The following DNA2 variants were observed in gnomAD, a reference collection of about 807,000 sequenced individuals.
DNA2 encodes the protein DNA replication helicase/nuclease 2.
Under a neutral mutation model 119.1 loss-of-function variants are expected in DNA2, and 101 were observed. The ratio of observed to expected loss-of-function variants is 0.85; its 90% confidence interval spans 0.72 to 1.00. DNA2 has a LOEUF of 1.00. Ranked by LOEUF, DNA2 falls within the 50% of genes least tolerant of loss-of-function variation. The pLI is 0.00. For missense variants in DNA2, 1,121 were observed against 1,255.5 expected (o/e 0.89, Z 1.62); for synonymous variants, 366 against 424.4 (o/e 0.86, Z 1.69).
intron 2 of DNA2, among the ~76,000 whole-genome samples, chr10:68,469,445 A>C (rs540229797): frequency 7.3e-5 from 11 of 151,628 alleles, no homozygotes; most frequent in African/African-American, 2.4e-4. Context: ...GTCATTAATA[A>C]GGTCCTTTGT....
chr10:68,435,697 G>A (rs1035907975), intron 10 of DNA2, among the ~76,000 whole-genome samples: 2 of 151,500 alleles, frequency 1.3e-5, no homozygotes, highest in Non-Finnish European at 2.9e-5. Context: ...CTTGTGATCC[G>A]CCCAACTCGG....
chr10:68,456,012 G>GT (rs1441644310), intron 5 of DNA2, among the ~76,000 whole-genome samples: 1 of 152,048 alleles, frequency 6.6e-6, no homozygotes, highest in Non-Finnish European at 1.5e-5. Flanking sequence ...GAGTCCAGGA[G>GT]TTCGAGACTA....
At chr10:68,455,748 G>A (rs2052174044) in intron 5 of DNA2, among the ~76,000 whole-genome samples, 1 of 152,048 alleles carries the variant, frequency 6.6e-6, no homozygotes, top group African/African-American at 2.4e-5. Context: ...TTGAACCCAG[G>A]AAGCAGAGGT....
rs2051806322 is a variant in DNA2 at position 68,430,539 on chromosome 10, A to G, written c.2105T>C (p.Ile702Thr). ...FKIGFLRLGQ[I>T]QKVHPAIQQF... ...CTGGATAGCTGGATGAACCTTCTGA[A>G]TCTGACCCAAACGCAAAAATCCTAT... Residue 702 changes from isoleucine (I) to threonine (T), a missense_variant, in exon 14 of 21, where the codon ATT (isoleucine) becomes ACT (threonine). Ile to Thr is a moderately conservative substitution (Grantham distance 89). Coordinates refer to ENST00000358410, the MANE Select transcript of DNA2 (RefSeq NM_001080449.3). 1 of 1,611,296 alleles carries G rather than the reference A, an allele frequency of 6.2e-7. No homozygotes were observed. The highest frequency in any genetic ancestry group is 1.1e-5 in the South Asian group (1 of 90,418).
chr10:68,446,275 CTA>C lies in DNA2; in HGVS notation c.1057+19_1057+20del. 1 of 1,358,654 alleles carries C rather than the reference CTA, an allele frequency of 7.4e-7. No individual in the cohort carries two copies. Among genetic ancestry groups the C allele is most frequent in the South Asian group, 1.3e-5 (1 of 77,252 alleles). The allele number at this position is 1,358,654 out of a possible 1,614,324, so 84.2% of individuals were successfully genotyped here. A position where few individuals can be genotyped will look rare whatever the true frequency, so the allele number is the denominator to read the frequency against. On this transcript the variant is annotated intron_variant, in intron 7 of 20. Coordinates refer to ENST00000358410, the MANE Select transcript of DNA2 (RefSeq NM_001080449.3). ...TGGGGGGGTGGGCAAAGAAGTAAAA[CTA>C]AAAAAAAAACGGCTCAACCTCTTTT...
At chr10:68,440,634 A>G (rs2051955926) in intron 9 of DNA2, among the ~76,000 whole-genome samples, 2 of 152,030 alleles carry the variant, frequency 1.3e-5, no homozygotes, top group African/African-American at 4.8e-5. Flanking sequence ...AAAGTTTCAC[A>G]TACTACAAAA....
intron 9 of DNA2, among the ~76,000 whole-genome samples, 181 bp from the exon 10 acceptor site, chr10:68,437,422 G>A (rs943256323): frequency 2.0e-5 from 3 of 151,512 alleles, no homozygotes; most frequent in African/African-American, 7.3e-5. Flanking sequence ...GATTACCTGA[G>A]GTCAGATGTT....
chr10:68,472,003 TG>T, upstream of DNA2: 3 of 1,610,038 alleles, frequency 1.9e-6, no homozygotes, highest in Non-Finnish European at 2.5e-6. Flanking sequence ...CCAAATGACC[TG>T]CGCCAGGCCG....
chr10:68,445,189 G>A (rs1428338133), intron 7 of DNA2, 106 bp from the exon 8 acceptor site: 2 of 1,060,638 alleles, frequency 1.9e-6, no homozygotes, highest in African/African-American at 1.6e-5. Context: ...TTAGGGCCGG[G>A]CACAATGGCT....
At chr10:68,423,052 T>A (rs2051687748) in intron 14 of DNA2, among the ~76,000 whole-genome samples, 162 bp from the exon 15 acceptor site, 1 of 152,164 alleles carries the variant, frequency 6.6e-6, no homozygotes, top group Non-Finnish European at 1.5e-5. Flanking sequence ...CAAATTTTAA[T>A]TTTTTTCTAC....
rs757436306 is a variant in DNA2, at chr10:68,443,109, G to A, written c.1223C>T (p.Ala408Val). The A allele has an allele frequency of 6.4e-7, 1 of 1,555,632 alleles. No homozygotes were observed. Among genetic ancestry groups the A allele is most frequent in the Non-Finnish European group, 8.7e-7 (1 of 1,150,398 alleles). ...QIGNCALYSR[A>V]VEQQMDCSSV... Reference sequence around the variant, plus strand: ...ACTACAATCCATCTGTTGTTCAACTGCTCTAAATATAAAGTTCCAAGTTAG... The same window carrying A: ...ACTACAATCCATCTGTTGTTCAACTACTCTAAATATAAAGTTCCAAGTTAG... The change falls in exon 9 of 21, where the codon GCA becomes GTA. Residue 408 changes from alanine to valine, a missense_variant and splice_region_variant. Physicochemically the swap from Ala to Val is moderately conservative, Grantham distance 64. Transcript: ENST00000358410.
intron 14 of DNA2, among the ~76,000 whole-genome samples, chr10:68,423,857 C>G (rs2051698867): frequency 6.6e-6 from 1 of 152,226 alleles, no homozygotes; most frequent in Non-Finnish European, 1.5e-5. Context: ...ACTTCGACTC[C>G]CACCTGGCAG....
At chr10:68,451,202 G>A (rs980644920) in intron 5 of DNA2, among the ~76,000 whole-genome samples, 1 of 151,406 alleles carries the variant, frequency 6.6e-6, no homozygotes, top group Non-Finnish European at 1.5e-5. Flanking sequence ...AATCTTCAAA[G>A]CTTCAAAGGA....
rs182558173 is a variant in DNA2, at chr10:68,456,863, G to A, written c.719+2241C>T. ...AAAAAAAAAAAAAGGAGCCGGGCAC[G>A]GTGGCTCACGCCTGTAATCCCAGCA... On this transcript the variant is annotated intron_variant, in intron 5 of 20. Coordinates refer to ENST00000358410, the MANE Select transcript of DNA2 (RefSeq NM_001080449.3). 3.2e-3 allele frequency among the ~76,000 whole-genome samples: 488 copies of A among 151,360 alleles called. 3 individuals carry two copies. The highest frequency in any genetic ancestry group is 0.01 in the African/African-American group (419 of 41,318).
chr10:68,458,938 T>C (rs2052220598), intron 5 of DNA2, among the ~76,000 whole-genome samples, 166 bp downstream of exon 5: 1 of 152,106 alleles, frequency 6.6e-6, no homozygotes, highest in Admixed American at 6.6e-5. Context: ...ATTCACTGGG[T>C]TCTTTTTTGT....
At chr10:68,471,361 T>C (rs535912043) in intron 1 of DNA2, among the ~76,000 whole-genome samples, 2 of 152,324 alleles carry the variant, frequency 1.3e-5, no homozygotes, top group Admixed American at 6.5e-5. Context: ...TGCTATAATA[T>C]TGAAAGTAAT....
At chr10:68,421,129 G>T (rs2133359554) in intron 17 of DNA2, among the ~76,000 whole-genome samples, 1 of 151,568 alleles carries the variant, frequency 6.6e-6, no homozygotes, top group Non-Finnish European at 1.5e-5. Flanking sequence ...TAGAGACAGG[G>T]TTTTGCCATG....
rs368744007 is a variant in DNA2, at chr10:68,419,923, A to C, written c.2698-31T>G. Reference sequence around the variant, plus strand: ...TGGAAAAATATACAGCCTGCTGATAATACAATCTCTAAAGAGTACTATAAG... The same window carrying C: ...TGGAAAAATATACAGCCTGCTGATACTACAATCTCTAAAGAGTACTATAAG... On this transcript the variant is annotated intron_variant, in intron 17 of 20. Transcript: ENST00000358410. 5 of 1,575,766 alleles carry C rather than the reference A, an allele frequency of 3.2e-6. No individual in the cohort carries two copies. The African/African-American group carries it at 6.7e-5, about 21-fold the overall frequency.
chr10:68,467,041 G>A (rs929937293), intron 3 of DNA2, among the ~76,000 whole-genome samples: 4 of 152,112 alleles, frequency 2.6e-5, no homozygotes, highest in South Asian at 2.1e-4. Flanking sequence ...ATAAAAGTAC[G>A]TTTCAAGAAA....
Sources: gnomAD v4.1 joint callset for allele counts (sites outside exome capture counted in the v4.1 genomes callset) on GRCh38, gnomAD v4.1.1 for gene constraint, MANE v1.5 for transcripts, NCBI Gene and HGNC (gene_info 2026-07-23, HGNC 2026-07-21) for gene names.